SLC9C2: variants seen among roughly 807,000 people sequenced by gnomAD.
SLC9C2 encodes the protein sodium/hydrogen exchanger 11.
A neutral mutation model predicts 140.2 loss-of-function variants in SLC9C2; 75 were observed. The ratio of observed to expected loss-of-function variants is 0.53; its 90% CI spans 0.44 to 0.65. SLC9C2 has a LOEUF of 0.65. SLC9C2 is among the 30% of genes least tolerant of loss of function. The pLI is 0.00. For synonymous variants in SLC9C2, 375 were observed against 420.9 expected, an observed-to-expected ratio of 0.89 and a Z score of 1.34; for missense variants, 1,074 against 1,331.8, an observed-to-expected ratio of 0.81 and a Z score of 3.01.
At chr1:173,543,638 T>G (rs1488593273) in intron 13 of SLC9C2, among the ~76,000 whole-genome samples, 2 of 152,170 alleles carry the variant, frequency 1.3e-5, no homozygotes, top group Non-Finnish European at 2.9e-5. Context: ...AACAGCATGG[T>G]ACTGGTACCA....
In SLC9C2 at chr1:173,531,723, G is replaced by A. The variant is rs181554324; in HGVS notation, c.2164-1669C>T. On this transcript the variant is annotated intron_variant, in intron 17 of 27. Transcript: ENST00000367714. ...TGGTAAATTCTTTTACTGCGGCGCC[G>A]CCAGCCCATAGAGCTGTCACTCCCC... Among the ~76,000 whole-genome samples the A allele has an allele frequency of 2.4e-3, 365 of 152,128 alleles. 3 individuals are homozygous for A. The highest frequency in any genetic ancestry group is 1.2e-3 in the Non-Finnish European group (79 of 67,988).
chr1:173,561,678 A>G (rs984964122), intron 9 of SLC9C2, among the ~76,000 whole-genome samples: 3 of 152,160 alleles, frequency 2.0e-5, no homozygotes, highest in Non-Finnish European at 4.4e-5. Flanking sequence ...GCCCCTGTCC[A>G]GGTGACAGCC....
chr1:173,513,084 T>A (rs956386925), intron 23 of SLC9C2, among the ~76,000 whole-genome samples: 1 of 152,248 alleles, frequency 6.6e-6, no homozygotes, highest in African/African-American at 2.4e-5. Flanking sequence ...ACATTGATGT[T>A]CATCAGAGAT....
rs1385235295 is a variant in SLC9C2, at chr1:173,548,247, C to G, written c.1461+142G>C. On this transcript the variant is annotated intron_variant, in intron 12 of 27. Transcript: ENST00000367714. The stretch of plus-strand genomic sequence containing the variant: ...GAGACAGAATTCAAACTCATTTCAC[C>G]AAAATAGCAAAGCCAGTAACTATCT... The G allele has an allele frequency of 3.6e-6, 3 of 843,502 alleles. No homozygotes were observed. The African/African-American group carries it at 5.3e-5, about 15-fold the overall frequency. 52.3% of individuals were successfully genotyped at this position (843,502 alleles called of 1,614,324 possible).
At position 173,557,408 on chromosome 1, in the gene SLC9C2, C is replaced by A. The variant is rs918804211; in HGVS notation, c.1147G>T (p.Val383Phe). 1 of 1,613,624 alleles carries A rather than the reference C, an allele frequency of 6.2e-7. No individual in the cohort carries two copies. The highest frequency in any genetic ancestry group is 8.5e-7 in the Non-Finnish European group (1 of 1,179,736). ...TCAGGAGCCCAGAGTAAATTAAAAA[C>A]TCCTTTAATTCCAGACCACGTGATT... ...VVITWSGIKG[V>F]FNLLWAPDVY... Residue 383 changes from valine (V) to phenylalanine (F), a missense_variant, in exon 10 of 28, where the codon GTT becomes TTT. Transcript: ENST00000367714.
chr1:173,511,832 G>T (rs1331089614), intron 23 of SLC9C2, among the ~76,000 whole-genome samples: 1 of 152,172 alleles, frequency 6.6e-6, no homozygotes, highest in East Asian at 1.9e-4. Context: ...TTACGTATAA[G>T]GTGTAAGGAA....
chr1:173,518,266 A>G (rs1660565250), intron 22 of SLC9C2, among the ~76,000 whole-genome samples: 1 of 29,326 alleles, frequency 3.4e-5, no homozygotes, highest in Non-Finnish European at 6.3e-5. Flanking sequence ...CATCTCAAAG[A>G]AAAAAAAAAA....
chr1:173,580,659 AC>A (rs1665476547), intron 7 of SLC9C2, among the ~76,000 whole-genome samples: 1 of 152,192 alleles, frequency 6.6e-6, no homozygotes, highest in Admixed American at 6.5e-5. Context: ...AGCCTATCAT[AC>A]CACTTTTAAA....
At chr1:173,575,460 A>G (rs1049924199) in intron 8 of SLC9C2, among the ~76,000 whole-genome samples, 1 of 152,214 alleles carries the variant, frequency 6.6e-6, no homozygotes, top group African/African-American at 2.4e-5. Context: ...TAGATGTTCT[A>G]TGAACTGGTT....
chr1:173,503,370 T>C, intron 26 of SLC9C2, 44 bp from the exon 27 acceptor site: 1 of 1,566,940 alleles, frequency 6.4e-7, no homozygotes, highest in South Asian at 1.1e-5. Context: ...AATTAGGAAT[T>C]TAAGAGTAAA....
At chr1:173,553,932 A>G (rs977073006) in intron 11 of SLC9C2, among the ~76,000 whole-genome samples, 6 of 152,224 alleles carry the variant, frequency 3.9e-5, no homozygotes, top group Admixed American at 3.3e-4. Flanking sequence ...AGGCTCTACG[A>G]TAAGACTTTG....
intron 2 of SLC9C2, among the ~76,000 whole-genome samples, chr1:173,600,803 A>G (rs1053853912): frequency 6.6e-5 from 10 of 152,244 alleles, no homozygotes; most frequent in African/African-American, 2.2e-4. Context: ...AAAAGTGACC[A>G]AGGTCATTAG....
chr1:173,537,623 TAC>T (rs1662072958), intron 13 of SLC9C2, among the ~76,000 whole-genome samples: 2 of 148,474 alleles, frequency 1.3e-5, no homozygotes, highest in South Asian at 2.1e-4. Flanking sequence ...TATATGTATA[TAC>T]ACACACACAT....
At chr1:173,519,736 T>C (rs1425191368) in intron 22 of SLC9C2, among the ~76,000 whole-genome samples, 1 of 152,198 alleles carries the variant, frequency 6.6e-6, no homozygotes, top group East Asian at 1.9e-4. Context: ...GTATAATGGC[T>C]AAGCACATGG....
chr1:173,557,440 C>T lies in SLC9C2; in HGVS notation c.1115G>A (p.Gly372Glu), dbSNP rs1437068488. The change falls in exon 10 of 28, where the codon GGA becomes GAA. Residue 372 changes from glycine (G) to glutamate (E), a missense_variant. Physicochemically the swap from Gly to Glu is moderately conservative, Grantham distance 98. Coordinates refer to ENST00000367714, the MANE Select transcript of SLC9C2 (RefSeq NM_178527.4). ...HSNYEYNWRW[G>E]VVITWSGIKG... ...AATTCCAGACCACGTGATTACAACT[C>T]CCCATCGCCAATTATATTCATAATT... 3.1e-6 allele frequency: 5 copies of T among 1,613,816 alleles called. No individual in the cohort carries two copies. The highest frequency in any genetic ancestry group is 4.2e-6 in the Non-Finnish European group (5 of 1,179,800).
intron 24 of SLC9C2, among the ~76,000 whole-genome samples, chr1:173,507,718 G>C (rs920649938): frequency 2.0e-5 from 3 of 152,164 alleles, no homozygotes; most frequent in Non-Finnish European, 4.4e-5. Flanking sequence ...TGCACACAGG[G>C]AGAACGCCAC....
intron 21 of SLC9C2, 78 bp from the exon 22 acceptor site, chr1:173,521,477 C>CTATATA (rs146332693): frequency 0.14 from 35,710 of 251,808 alleles, 2,707 homozygotes; most frequent in Admixed American, 0.17. Context: ...TAAATATTTT[C>CTATATA]TATATATATA....
intron 10 of SLC9C2, among the ~76,000 whole-genome samples, 158 bp downstream of exon 10, chr1:173,557,182 A>G (rs1289946497): frequency 6.6e-6 from 1 of 152,152 alleles, no homozygotes; most frequent in East Asian, 1.9e-4. Context: ...CACATTCTCA[A>G]CATAAATAAC....
chr1:173,566,690 A>G (rs1290772999), intron 9 of SLC9C2, among the ~76,000 whole-genome samples: 1 of 150,186 alleles, frequency 6.7e-6, no homozygotes, highest in Non-Finnish European at 1.5e-5. Context: ...GTGCTCTAAT[A>G]TGTATTATTT....
Sources: gnomAD v4.1 joint callset for allele counts (sites outside exome capture counted in the v4.1 genomes callset) on GRCh38, gnomAD v4.1.1 for gene constraint, MANE v1.5 for transcripts, NCBI Gene and HGNC (gene_info 2026-07-23, HGNC 2026-07-21) for gene names.